The following GJA3 variants were observed in gnomAD, a reference collection of about 807,000 sequenced individuals.
GJA3 encodes the protein gap junction protein alpha 3.
For synonymous variants in GJA3, 297 were observed against 292.6 expected (o/e 1.02, Z -0.15); for missense variants, 571 against 620.3 (o/e 0.92, Z 0.84).
intron 1 of GJA3, among the ~76,000 whole-genome samples, chr13:20,159,092 A>G (rs908893631): frequency 1.3e-5 from 2 of 152,078 alleles, no homozygotes; most frequent in Non-Finnish European, 2.9e-5. Flanking sequence ...TGTTTTTTAG[A>G]GACATATATG....
chr13:20,161,183 G>A (rs10467455), upstream of GJA3: 56,471 of 152,198 alleles, frequency 0.37, 11,109 homozygotes, highest in Non-Finnish European at 0.45. Context: ...TGTACGCGCA[G>A]CCACAGCACT....
At chr13:20,146,074 C>T (rs534225713) in intron 1 of GJA3, among the ~76,000 whole-genome samples, 15 of 152,358 alleles carry the variant, frequency 9.8e-5, no homozygotes, top group Non-Finnish European at 1.5e-4. Flanking sequence ...TTTCCAGAGG[C>T]TTCCGAGGAA....
chr13:20,143,136 G>A lies in GJA3; in HGVS notation c.153C>T (p.Asp51=), dbSNP rs1958822707. ...AEDVWGDEQS[D]FTCNTQQPGC... ...CCGGCTGCTGGGTGTTGCAGGTGAA[G>A]TCTGACTGCTCATCGCCCCACACGT... Residue 51 remains aspartate, a synonymous_variant, in exon 2 of 2, where the codon GAC becomes GAT. Coordinates refer to ENST00000241125, the MANE Select transcript of GJA3 (RefSeq NM_021954.4). The A allele has an allele frequency of 6.2e-7, 1 of 1,613,222 alleles. No homozygotes were observed. Among genetic ancestry groups the A allele is most frequent in the East Asian group, 2.2e-5 (1 of 44,872 alleles).
At chr13:20,149,864 T>TGAATGAAAGAGTGGGAGCCCC (rs1198433281) in intron 1 of GJA3, among the ~76,000 whole-genome samples, 1 of 152,114 alleles carries the variant, frequency 6.6e-6, no homozygotes, top group African/African-American at 2.4e-5. Context: ...GCAGGACAGA[T>TGAATGAAAGAGTGGGAGCCCC]GAATGAAAGA....
At position 20,141,783 on chromosome 13, in the gene GJA3, A is replaced by G. The variant is rs886050018; in HGVS notation, c.*198T>C. 12 of 750,410 alleles carry G rather than the reference A, an allele frequency of 1.6e-5. No individual in the cohort carries two copies. In the East Asian group the frequency reaches 3.7e-4, roughly 23 times the overall value. The allele number at this position is 750,410 out of a possible 1,614,324, so 46.5% of individuals were successfully genotyped here. A position where few individuals can be genotyped will look rare whatever the true frequency, so the allele number is the denominator to read the frequency against. On this transcript the variant is annotated 3_prime_UTR_variant, in exon 2 of 2. Transcript: ENST00000241125. ...AACTCAGAAAGTGGGAGTTATCCCC[A>G]CTGTAACTCACAGTGCTAAGAACAG...
chr13:20,159,636 C>T (rs1047572178), intron 1 of GJA3, among the ~76,000 whole-genome samples: 1 of 152,020 alleles, frequency 6.6e-6, no homozygotes, highest in Non-Finnish European at 1.5e-5. Context: ...TTTTGTTACC[C>T]GCCATTCTTT....
At position 20,144,258 on chromosome 13, in the gene GJA3, A is replaced by G. The variant is rs1044189117; in HGVS notation, c.-17-953T>C. Among the ~76,000 whole-genome samples the G allele has an allele frequency of 2.0e-5, 3 of 152,316 alleles. No individual in the cohort carries two copies. In the East Asian group the frequency reaches 5.8e-4, roughly 29 times the overall value. ...AGCTGAAGGGGTGCTGGATGGGGGC[A>G]GAGGAAGCACTTGGGGTGAACCGAG... On this transcript the variant is annotated intron_variant, in intron 1 of 1. Coordinates refer to ENST00000241125, the MANE Select transcript of GJA3 (RefSeq NM_021954.4).
At chr13:20,153,351 C>T (rs886453170) in intron 1 of GJA3, among the ~76,000 whole-genome samples, 2 of 152,180 alleles carry the variant, frequency 1.3e-5, no homozygotes, top group Non-Finnish European at 2.9e-5. Flanking sequence ...TACTGCAGCA[C>T]TATTCACAAT....
At chr13:20,147,601 A>G (rs1958850758) in intron 1 of GJA3, among the ~76,000 whole-genome samples, 1 of 152,216 alleles carries the variant, frequency 6.6e-6, no homozygotes, top group African/African-American at 2.4e-5. Flanking sequence ...CTGAAATGTT[A>G]ACAGTGGTGC....
chr13:20,158,428 T>A lies in GJA3; in HGVS notation c.-18+2462A>T, dbSNP rs942975920. Among the ~76,000 whole-genome samples, 28 of 152,004 alleles carry A rather than the reference T, an allele frequency of 1.8e-4. 1 individual carries two copies. Among genetic ancestry groups the A allele is most frequent in the Admixed American group, 1.8e-3 (28 of 15,242 alleles). ...CAGGAAATGGAGTTTCAGGAATAAA[T>A]AAGCAATAATCCATGGAGATAATCA... is the stretch of plus-strand genomic sequence containing the variant. On this transcript the variant is annotated intron_variant, in intron 1 of 1. Transcript: ENST00000241125.
intron 1 of GJA3, among the ~76,000 whole-genome samples, chr13:20,145,796 G>A (rs1182447095): frequency 6.6e-6 from 1 of 152,128 alleles, no homozygotes; most frequent in Non-Finnish European, 1.5e-5. Context: ...GGCCTACACC[G>A]GTGCCCTGGG....
rs115836676 is a variant in GJA3 at position 20,150,072 on chromosome 13, G to A, written c.-17-6767C>T. The stretch of plus-strand genomic sequence containing the variant: ...AGACAAAAATAAAGCAGAACGCAGC[G>A]TCTGACTAGAGTCAGGGAATAAAAA... On this transcript the variant is annotated intron_variant, in intron 1 of 1. Transcript: ENST00000241125. Among the ~76,000 whole-genome samples the A allele has an allele frequency of 4.8e-3, 728 of 152,296 alleles. 5 individuals are homozygous for A. Among genetic ancestry groups the A allele is most frequent in the African/African-American group, 0.017 (689 of 41,536 alleles).
At chr13:20,155,134 C>T (rs1326725095) in intron 1 of GJA3, among the ~76,000 whole-genome samples, 1 of 152,184 alleles carries the variant, frequency 6.6e-6, no homozygotes, top group East Asian at 1.9e-4. Flanking sequence ...GCTGGGATTA[C>T]AAGTGTGAGC....
At chr13:20,151,707 C>T (rs572898217) in intron 1 of GJA3, among the ~76,000 whole-genome samples, 9 of 152,182 alleles carry the variant, frequency 5.9e-5, no homozygotes, top group Admixed American at 2.0e-4. Flanking sequence ...ATTACTTGAG[C>T]TCAGCAAGCT....
In GJA3 at chr13:20,139,405, CCA is replaced by C. The variant is rs1228541384; in HGVS notation, c.*2574_*2575del. 6.6e-6 allele frequency: 1 copy of C among 151,886 alleles called. No homozygotes were observed. Among genetic ancestry groups the C allele is most frequent in the Non-Finnish European group, 1.5e-5 (1 of 67,996 alleles). 9.4% of individuals were successfully genotyped at this position (151,886 alleles called of 1,614,324 possible). On this transcript the variant is annotated 3_prime_UTR_variant, in exon 2 of 2. Coordinates refer to ENST00000241125, the MANE Select transcript of GJA3 (RefSeq NM_021954.4). Reference sequence around the variant, plus strand: ...GAAAAAAATAGGTCTGGAATCTTGCCCACAGAGAGAGGCAATTTCTATTTTTA... The same window carrying C: ...GAAAAAAATAGGTCTGGAATCTTGCCCAGAGAGAGGCAATTTCTATTTTTA...
chr13:20,142,199 G>GCGC lies in GJA3; in HGVS notation c.1087_1089dup (p.Ala363dup). ...GGCGCCGCGCCCGCCTCAGCCTCGT[G>GCGC]CGCGAGTGGCGGGGAGCTGCTGCCG... On this transcript the variant is annotated inframe_insertion, in exon 2 of 2. Transcript: ENST00000241125. 6.6e-7 allele frequency: 1 copy of GCGC among 1,520,300 alleles called. No individual in the cohort carries two copies. Among genetic ancestry groups the GCGC allele is most frequent in the Non-Finnish European group, 8.8e-7 (1 of 1,136,562 alleles). The allele number at this position is 1,520,300 out of a possible 1,614,324, so 94.2% of individuals were successfully genotyped here. A position where few individuals can be genotyped will look rare whatever the true frequency, so the allele number is the denominator to read the frequency against.
chr13:20,145,016 A>G (rs1958833788), intron 1 of GJA3, among the ~76,000 whole-genome samples: 1 of 152,110 alleles, frequency 6.6e-6, no homozygotes, highest in Non-Finnish European at 1.5e-5. Context: ...CCTCATCTCT[A>G]CTAATAATAC....
chr13:20,158,912 C>CAAAAAAAAAA (rs1159654355), intron 1 of GJA3, among the ~76,000 whole-genome samples: 40 of 54,932 alleles, frequency 7.3e-4, no homozygotes, highest in African/African-American at 1.1e-3. Flanking sequence ...GCAAAACTCT[C>CAAAAAAAAAA]AAAAAAAAAA....
intron 1 of GJA3, among the ~76,000 whole-genome samples, chr13:20,144,514 A>G (rs953359480): frequency 1.3e-5 from 2 of 152,206 alleles, no homozygotes; most frequent in African/African-American, 4.8e-5. Flanking sequence ...CTGCCCCAGA[A>G]GTGTGACTCC....
Sources: allele counts gnomAD v4.1 joint callset (sites outside exome capture counted in the v4.1 genomes callset), GRCh38; gene constraint gnomAD v4.1.1; transcripts MANE v1.5; gene names NCBI Gene and HGNC (gene_info 2026-07-23, HGNC 2026-07-21).